Variants in ADCY8 observed in about 807,000 individuals in gnomAD.
ADCY8 encodes the protein adenylate cyclase 8, also known as adenylate cyclase type 8.
ADCY8 carries 51 observed loss-of-function variants against 119.7 expected under a neutral mutation model. That is an observed-to-expected ratio of 0.43 (90% CI 0.34 to 0.54). The LOEUF is 0.54. Among genes scored for constraint, ADCY8 ranks in the 20% least tolerant of loss-of-function variants. The probability of loss-of-function intolerance (pLI) is 0.03; values close to 1 mark genes in which losing one functional copy is unlikely to be tolerated. For missense variants in ADCY8, 1,383 were observed against 1,598.8 expected, an observed-to-expected ratio of 0.87 and a Z score of 2.30; for synonymous variants, 665 against 651.0, an observed-to-expected ratio of 1.02 and a Z score of -0.33.
intron 16 of ADCY8, among the ~76,000 whole-genome samples, chr8:130,785,131 AT>A (rs1368659539): frequency 1.3e-5 from 2 of 152,254 alleles, no homozygotes; most frequent in Non-Finnish European, 2.9e-5. Context: ...TGGGCTCTTG[AT>A]TTTGTTCAAG....
intron 14 of ADCY8, 45 bp downstream of exon 14, chr8:130,814,024 C>T (rs577683373): frequency 1.9e-6 from 3 of 1,608,556 alleles, no homozygotes; most frequent in Middle Eastern, 1.8e-4. Context: ...CTGCACATCA[C>T]CCACCACCAC....
intron 2 of ADCY8, among the ~76,000 whole-genome samples, chr8:130,970,818 G>A (rs1054803310): frequency 2.6e-5 from 4 of 152,150 alleles, no homozygotes; most frequent in East Asian, 1.9e-4. Context: ...AAACAGACCC[G>A]TTAGGTTATT....
intron 3 of ADCY8, 114 bp downstream of exon 3, chr8:130,951,754 C>T: frequency 7.7e-7 from 1 of 1,301,900 alleles, no homozygotes. Flanking sequence ...ATTAATCAAC[C>T]AGATGAGGAA....
In ADCY8 at chr8:130,979,113, C is replaced by A. The variant is rs143277076; in HGVS notation, c.1110+11280G>T. On this transcript the variant is annotated intron_variant, in intron 2 of 17. Transcript: ENST00000286355. ...ACTTGGTGGGTAGGAAAGGAGAAAG[C>A]TGGAGCCTTTAGAATACTTTGGAAG... Among the ~76,000 whole-genome samples, 174 of 152,248 alleles carry A rather than the reference C, an allele frequency of 1.1e-3. 3 individuals are homozygous for A. Among genetic ancestry groups the A allele is most frequent in the African/African-American group, 3.8e-3 (157 of 41,538 alleles).
chr8:130,847,654 G>A (rs1457609556), intron 10 of ADCY8, 141 bp from the exon 11 acceptor site: 14 of 636,964 alleles, frequency 2.2e-5, no homozygotes, highest in Non-Finnish European at 3.8e-5. Context: ...CCCTAGAGGG[G>A]ACTTGAAGTC....
intron 8 of ADCY8, among the ~76,000 whole-genome samples, chr8:130,879,062 G>A (rs915667010): frequency 2.0e-5 from 3 of 152,164 alleles, no homozygotes; most frequent in African/African-American, 7.2e-5. Context: ...CTCTTAAGAT[G>A]CTAAAGTTTT....
intron 9 of ADCY8, among the ~76,000 whole-genome samples, chr8:130,866,340 C>A (rs930440632): frequency 6.6e-6 from 1 of 152,050 alleles, no homozygotes; most frequent in African/African-American, 2.4e-5. Context: ...GAACATCTTT[C>A]TTCCACAGCA....
At position 130,892,796 on chromosome 8, in the gene ADCY8, A is replaced by C. The variant is rs181743382; in HGVS notation, c.1912-8035T>G. 5.9e-5 allele frequency: 9 copies of C among 152,328 alleles called. No homozygotes were observed. In the East Asian group the frequency reaches 1.7e-3, roughly 29 times the overall value. 9.4% of individuals were successfully genotyped at this position (152,328 alleles called of 1,614,324 possible). A position where few individuals can be genotyped will look rare whatever the true frequency, so the allele number is the denominator to read the frequency against. On this transcript the variant is annotated intron_variant, in intron 7 of 17. Transcript: ENST00000286355. ...CAACCACAATTCCCCGTGATTGGGCAGAGTTCTCAGGATAAGAAGACTGAG... is the reference window on the plus strand; with the variant it reads ...CAACCACAATTCCCCGTGATTGGGCCGAGTTCTCAGGATAAGAAGACTGAG...
At chr8:130,802,753 T>C (rs1016233180) in intron 14 of ADCY8, among the ~76,000 whole-genome samples, 2 of 152,228 alleles carry the variant, frequency 1.3e-5, no homozygotes, top group African/African-American at 4.8e-5. Context: ...GTGTTTCTTC[T>C]CCGCTAGATG....
chr8:130,884,468 A>C (rs970217454), intron 8 of ADCY8, 96 bp downstream of exon 8: 20 of 1,346,828 alleles, frequency 1.5e-5, no homozygotes, highest in Non-Finnish European at 1.8e-5. Context: ...ACAAACAAAG[A>C]AACCAAAACC....
chr8:130,928,632 G>A (rs928113941), intron 5 of ADCY8, among the ~76,000 whole-genome samples: 1 of 152,108 alleles, frequency 6.6e-6, no homozygotes, highest in African/African-American at 2.4e-5. Context: ...ACTTGAGCAT[G>A]GTGAATGATC....
chr8:130,964,301 A>G (rs1363428417), intron 2 of ADCY8, among the ~76,000 whole-genome samples: 1 of 152,228 alleles, frequency 6.6e-6, no homozygotes, highest in African/African-American at 2.4e-5. Flanking sequence ...GCAGGGTGAA[A>G]GGTTCCCAGA....
intron 5 of ADCY8, among the ~76,000 whole-genome samples, chr8:130,936,356 C>T (rs1820786379): frequency 6.6e-6 from 1 of 152,152 alleles, no homozygotes; most frequent in African/African-American, 2.4e-5. Context: ...TCCATGAAGC[C>T]AACCCTGGTG....
intron 8 of ADCY8, among the ~76,000 whole-genome samples, chr8:130,869,499 A>T (rs1257586846): frequency 3.9e-5 from 5 of 128,858 alleles, no homozygotes; most frequent in South Asian, 2.4e-4. Flanking sequence ...TTTTTTTTTT[A>T]TTTTGTTTAT....
intron 5 of ADCY8, among the ~76,000 whole-genome samples, chr8:130,910,285 T>C (rs3923135): frequency 0.58 from 88,884 of 152,088 alleles, 27,553 homozygotes; most frequent in East Asian, 0.69. Context: ...ACCTCTGTCT[T>C]AGGGAATGGC....
rs548260014 is a variant in ADCY8 at position 130,986,427 on chromosome 8, T to G, written c.1110+3966A>C. Among the ~76,000 whole-genome samples the G allele has an allele frequency of 2.6e-4, 39 of 152,370 alleles. No individual in the cohort carries two copies. The South Asian group carries it at 7.7e-3, about 30-fold the overall frequency. ...GATAAAAACCAGAGACTCCATTGAA[T>G]TATGTAGAGTAGCTGCCTTTAACTA... On this transcript the variant is annotated intron_variant, in intron 2 of 17. Transcript: ENST00000286355.
intron 3 of ADCY8, among the ~76,000 whole-genome samples, chr8:130,945,130 T>G (rs111424279): frequency 9.8e-5 from 15 of 152,304 alleles, no homozygotes; most frequent in African/African-American, 3.6e-4. Context: ...ATCAAGGTTC[T>G]GCAGTAATTC....
In ADCY8 at chr8:130,968,080, A is replaced by G. The variant is rs189843893; in HGVS notation, c.1111-16082T>C. On this transcript the variant is annotated intron_variant, in intron 2 of 17. Transcript: ENST00000286355. ...GGCATGGGCAGGTGGGGGAGAGAGA[A>G]TGAAGAGTGGTCTGTACTAGATGCA... Among the ~76,000 whole-genome samples, 455 of 152,294 alleles carry G rather than the reference A, an allele frequency of 3.0e-3. 3 individuals carry two copies. Among genetic ancestry groups the G allele is most frequent in the African/African-American group, 9.9e-3 (411 of 41,566 alleles).
At chr8:130,975,957 C>G (rs1371536509) in intron 2 of ADCY8, among the ~76,000 whole-genome samples, 2 of 152,006 alleles carry the variant, frequency 1.3e-5, no homozygotes, top group Admixed American at 1.3e-4. Context: ...AAAATGCATG[C>G]TATAATTTGT....
Sources: gnomAD v4.1 joint callset for allele counts (sites outside exome capture counted in the v4.1 genomes callset) on GRCh38, gnomAD v4.1.1 for gene constraint, MANE v1.5 for transcripts, NCBI Gene and HGNC (gene_info 2026-07-23, HGNC 2026-07-21) for gene names.